The following CCDC62 variants were observed in gnomAD, a reference collection of about 807,000 sequenced individuals.
The protein encoded by CCDC62 is coiled-coil domain containing 62.
A neutral mutation model predicts 80.8 loss-of-function variants in CCDC62; 72 were observed. That is an observed-to-expected ratio of 0.89 (90% confidence interval 0.74 to 1.08). CCDC62 has a LOEUF of 1.08. Ranked by LOEUF, CCDC62 falls within the 50% of genes least tolerant of loss-of-function variation. CCDC62 has a pLI of 0.00. For missense variants in CCDC62, 704 were observed against 809.4 expected, an observed-to-expected ratio of 0.87 and a Z score of 1.58; for synonymous variants, 286 against 296.5, an observed-to-expected ratio of 0.96 and a Z score of 0.36.
chr12:122,802,540 A>G (rs1173766540), intron 9 of CCDC62, among the ~76,000 whole-genome samples: 1 of 151,362 alleles, frequency 6.6e-6, no homozygotes, highest in Admixed American at 6.6e-5. Context: ...CAGCCTCCCA[A>G]GTAGCTGGGA....
intron 4 of CCDC62, among the ~76,000 whole-genome samples, chr12:122,786,063 G>T (rs1026570941): frequency 6.6e-6 from 1 of 152,204 alleles, no homozygotes; most frequent in Non-Finnish European, 1.5e-5. Flanking sequence ...TGGGCTGGCA[G>T]GTCTGAATTA....
intron 11 of CCDC62, among the ~76,000 whole-genome samples, chr12:122,815,726 C>T (rs1375248611): frequency 4.6e-5 from 7 of 152,134 alleles, no homozygotes; most frequent in Admixed American, 1.3e-4. Context: ...GGATTACAGA[C>T]GTGAGCCACC....
rs189477057 is a variant in CCDC62 at position 122,826,810 on chromosome 12, C to G, written c.*429C>G. 5.2e-6 allele frequency: 1 copy of G among 191,086 alleles called. No individual in the cohort carries two copies. Among genetic ancestry groups the G allele is most frequent in the African/African-American group, 2.3e-5 (1 of 42,994 alleles). The allele number at this position is 191,086 out of a possible 1,614,324, so 11.8% of individuals were successfully genotyped here. On this transcript the variant is annotated 3_prime_UTR_variant, in exon 13 of 13. Coordinates refer to ENST00000253079, the MANE Select transcript of CCDC62 (RefSeq NM_201435.5). ...CTGATTTTTAAAAAATCTGTGCATA[C>G]ATTTAAATTCTAAACAATAGCTTAT...
rs755988862 is a variant in CCDC62 at position 122,826,488 on chromosome 12, G to C, written c.*107G>C. 5.2e-6 allele frequency: 4 copies of C among 775,212 alleles called. No individual in the cohort carries two copies. Among genetic ancestry groups the C allele is most frequent in the Non-Finnish European group, 9.6e-6 (4 of 415,728 alleles). The allele number at this position is 775,212 out of a possible 1,614,324, so 48.0% of individuals were successfully genotyped here. On this transcript the variant is annotated 3_prime_UTR_variant, in exon 13 of 13. Coordinates refer to ENST00000253079, the MANE Select transcript of CCDC62 (RefSeq NM_201435.5). ...TGAATGAATACTTAACCGTAAAACT[G>C]AAAGAGGATTCTAGTTCTTCATAAA...
At chr12:122,787,450 CAA>C (rs11291981) in intron 4 of CCDC62, among the ~76,000 whole-genome samples, 328 of 132,386 alleles carry the variant, frequency 2.5e-3, no homozygotes, top group East Asian at 4.6e-3. Flanking sequence ...GACTCTGTCT[CAA>C]AAAAAAAAAA....
At chr12:122,798,332 G>A in intron 8 of CCDC62, 132 bp downstream of exon 8, 1 of 602,228 alleles carries the variant, frequency 1.7e-6, no homozygotes, top group Non-Finnish European at 3.0e-6. Context: ...GCCGGGCACG[G>A]TGCCTCACAC....
chr12:122,814,398 C>T (rs1462258863), intron 11 of CCDC62, among the ~76,000 whole-genome samples: 2 of 147,138 alleles, frequency 1.4e-5, no homozygotes, highest in East Asian at 2.0e-4. Flanking sequence ...TTTATCTTAC[C>T]CCATCCATAC....
chr12:122,824,416 T>C (rs1430447836), intron 12 of CCDC62, among the ~76,000 whole-genome samples: 2 of 68,010 alleles, frequency 2.9e-5, no homozygotes, highest in Non-Finnish European at 8.1e-5. Context: ...ACTCTGTCTC[T>C]AAACAAACAA....
intron 3 of CCDC62, among the ~76,000 whole-genome samples, chr12:122,781,891 A>G (rs1049333701): frequency 2.0e-5 from 3 of 151,580 alleles, no homozygotes; most frequent in Admixed American, 1.3e-4. Flanking sequence ...AAGAAATACA[A>G]AAATGAGCTG....
Position 122,826,472 on chromosome 12 carries a change from A to G in CCDC62, c.*91A>G. 1 of 777,504 alleles carries G rather than the reference A, an allele frequency of 1.3e-6. No individual in the cohort carries two copies. The highest frequency in any genetic ancestry group is 2.3e-4 in the Middle Eastern group (1 of 4,432). The allele number at this position is 777,504 out of a possible 1,614,324, so 48.2% of individuals were successfully genotyped here. A position where few individuals can be genotyped will look rare whatever the true frequency, so the allele number is the denominator to read the frequency against. ...AAGCAGACACCAATACTGAATGAAT[A>G]CTTAACCGTAAAACTGAAAGAGGAT... is the stretch of plus-strand genomic sequence containing the variant. On this transcript the variant is annotated 3_prime_UTR_variant, in exon 13 of 13. Transcript: ENST00000253079.
chr12:122,786,179 GCT>G (rs545579090), intron 4 of CCDC62, among the ~76,000 whole-genome samples: 1,760 of 152,018 alleles, frequency 0.012, 35 homozygotes, highest in African/African-American at 0.041. Context: ...ACGGAGTCTC[GCT>G]CTGTGGCCCA....
chr12:122,791,741 G>A (rs1251328013), intron 5 of CCDC62, among the ~76,000 whole-genome samples: 4 of 152,192 alleles, frequency 2.6e-5, no homozygotes, highest in South Asian at 4.1e-4. Flanking sequence ...GAGCCACTGC[G>A]CTGGGCAGAT....
chr12:122,801,118 C>T lies in CCDC62; in HGVS notation c.978-6C>T. The stretch of plus-strand genomic sequence containing the variant: ...AACCTCCATTTTTTTTCTAATGCCA[C>T]CATAGCAGAGACATGTGTTTATCAG... On this transcript the variant is annotated splice_region_variant and splice_polypyrimidine_tract_variant and intron_variant, in intron 8 of 12. Transcript: ENST00000253079. 6.3e-7 allele frequency: 1 copy of T among 1,599,552 alleles called. No homozygotes were observed. The highest frequency in any genetic ancestry group is 8.5e-7 in the Non-Finnish European group (1 of 1,175,392).
chr12:122,813,532 T>A, intron 11 of CCDC62, 113 bp downstream of exon 11: 1 of 967,654 alleles, frequency 1.0e-6, no homozygotes. Context: ...AGAGTTTCTG[T>A]GTCTCTAGGG....
At chr12:122,800,674 G>A (rs530943459) in intron 8 of CCDC62, among the ~76,000 whole-genome samples, 12 of 152,232 alleles carry the variant, frequency 7.9e-5, no homozygotes, top group East Asian at 1.9e-4. Flanking sequence ...TGATCCACCC[G>A]CCTCAGCCTC....
intron 10 of CCDC62, among the ~76,000 whole-genome samples, chr12:122,810,116 C>T (rs2031804569): frequency 6.6e-6 from 1 of 151,958 alleles, no homozygotes; most frequent in Non-Finnish European, 1.5e-5. Context: ...TGGGCAAGGA[C>T]TTCATGTCTA....
In CCDC62 at chr12:122,777,533, C is replaced by T. The variant is rs150571965; in HGVS notation, c.79C>T (p.Arg27Trp). ...EVEISTIEKQ[R>W]KELQLLIGEL... ...TGAGATTTCCACTATCGAGAAACAA[C>T]GGAAGGAGCTGCAGTTGCTCATTGG... Residue 27 changes from arginine to tryptophan, a missense_variant, in exon 2 of 13, where the codon CGG (arginine) becomes TGG (tryptophan). By Grantham distance (101) the Arg-to-Trp change is moderately radical (BLOSUM62 -3). Coordinates refer to ENST00000253079, the MANE Select transcript of CCDC62 (RefSeq NM_201435.5). The T allele has an allele frequency of 1.1e-3, 1,847 of 1,613,842 alleles. 18 individuals are homozygous for T. The African/African-American group carries it at 0.017, about 15-fold the overall frequency.
At chr12:122,795,699 C>T (rs1003041046) in intron 6 of CCDC62, among the ~76,000 whole-genome samples, 1 of 152,214 alleles carries the variant, frequency 6.6e-6, no homozygotes, top group Non-Finnish European at 1.5e-5. Context: ...GCTGGGATTA[C>T]AGGCGTGTTC....
intron 10 of CCDC62, among the ~76,000 whole-genome samples, chr12:122,811,144 A>C (rs1184829457): frequency 9.9e-5 from 15 of 152,084 alleles, no homozygotes; most frequent in Admixed American, 9.8e-4. Context: ...CGTTATGCAC[A>C]TGTACCCTAG....
Sources: allele counts gnomAD v4.1 joint callset (sites outside exome capture counted in the v4.1 genomes callset), GRCh38; gene constraint gnomAD v4.1.1; transcripts MANE v1.5; gene names NCBI Gene and HGNC (gene_info 2026-07-23, HGNC 2026-07-21).